Variants in ALPK2 observed in about 807,000 individuals in gnomAD.
ALPK2 encodes alpha-protein kinase 2.
A neutral mutation model predicts 163.1 loss-of-function variants in ALPK2; 127 were observed. The ratio of observed to expected loss-of-function variants is 0.78; its 90% CI spans 0.67 to 0.90. The LOEUF (loss-of-function observed/expected upper bound fraction) is 0.90. Ranked by LOEUF, ALPK2 falls within the 40% of genes least tolerant of loss-of-function variation. The probability of loss-of-function intolerance (pLI) is 0.00; values close to 1 mark genes in which losing one functional copy is unlikely to be tolerated. For missense variants in ALPK2, 2,360 were observed against 2,589.6 expected (o/e 0.91, Z 1.92); for synonymous variants, 953 against 959.1 (o/e 0.99, Z 0.12).
At chr18:58,618,862 G>T (rs2144239532) in intron 1 of ALPK2, among the ~76,000 whole-genome samples, 1 of 151,802 alleles carries the variant, frequency 6.6e-6, no homozygotes, top group African/African-American at 2.4e-5. Context: ...CAAAAAGCTT[G>T]CTGTCAGCTG....
At chr18:58,564,697 A>G (rs963774573) in intron 4 of ALPK2, among the ~76,000 whole-genome samples, 1 of 152,160 alleles carries the variant, frequency 6.6e-6, no homozygotes, top group Non-Finnish European at 1.5e-5. Context: ...GGAAATTAAC[A>G]GATCTTCATG....
Position 58,514,843 on chromosome 18 carries a change from G to T in ALPK2, c.6029+150C>A, listed in dbSNP as rs2051512758. 8.8e-6 allele frequency: 3 copies of T among 341,228 alleles called. No individual in the cohort carries two copies. The East Asian group carries it at 1.5e-4, about 17-fold the overall frequency. 21.1% of individuals were successfully genotyped at this position (341,228 alleles called of 1,614,324 possible). A position where few individuals can be genotyped will look rare whatever the true frequency, so the allele number is the denominator to read the frequency against. On this transcript the variant is annotated intron_variant, in intron 10 of 12. Coordinates refer to ENST00000361673, the MANE Select transcript of ALPK2 (RefSeq NM_052947.4). ...AATATTAAATATCCTACCCAGCAAG[G>T]GGTAGGATAGCAGCCGTGTGAGCCC...
rs770599201 is a variant in ALPK2 at position 58,578,812 on chromosome 18, AC to A, written c.1962+1del. ...GTAATTTCTTTAAAAGAAAAGTCTT[AC>A]CTGAGGAGGATCACTCCAGTCTGGA... On this transcript the variant is annotated splice_donor_variant, in intron 4 of 12. Transcript: ENST00000361673. LOFTEE classifies it high-confidence loss of function. 6.2e-7 allele frequency: 1 copy of A among 1,610,264 alleles called. No homozygotes were observed. Among genetic ancestry groups the A allele is most frequent in the South Asian group, 1.1e-5 (1 of 90,688 alleles).
At chr18:58,593,061 A>T (rs939993488) in intron 3 of ALPK2, among the ~76,000 whole-genome samples, 1 of 152,216 alleles carries the variant, frequency 6.6e-6, no homozygotes, top group Non-Finnish European at 1.5e-5. Flanking sequence ...AGGTAGATAC[A>T]TGTCAGGACA....
chr18:58,566,439 A>G (rs574660111), intron 4 of ALPK2: 15 of 152,234 alleles, frequency 9.9e-5, no homozygotes, highest in Non-Finnish European at 1.8e-4. Context: ...GGTTAGTTCA[A>G]TGCTTTTTCC....
At chr18:58,559,208 G>A (rs1252291832) in intron 4 of ALPK2, among the ~76,000 whole-genome samples, 1 of 152,224 alleles carries the variant, frequency 6.6e-6, no homozygotes, top group African/African-American at 2.4e-5. Context: ...CTGTGGCAGT[G>A]TCTGGAGACA....
At chr18:58,572,237 A>G (rs569763924) in intron 4 of ALPK2, among the ~76,000 whole-genome samples, 62 of 152,344 alleles carry the variant, frequency 4.1e-4, no homozygotes, top group Non-Finnish European at 6.5e-4. Flanking sequence ...AATCAAAAAT[A>G]ATGACAATAC....
intron 3 of ALPK2, among the ~76,000 whole-genome samples, chr18:58,606,380 G>C (rs1306654250): frequency 2.6e-5 from 4 of 152,198 alleles, no homozygotes; most frequent in African/African-American, 9.7e-5. Flanking sequence ...ACCATGCTCA[G>C]CCTGTTACTT....
At chr18:58,502,740 T>C (rs1213352765) in intron 11 of ALPK2, among the ~76,000 whole-genome samples, 2 of 152,236 alleles carry the variant, frequency 1.3e-5, no homozygotes, top group East Asian at 3.8e-4. Flanking sequence ...TGCACCTGGC[T>C]CCACCTCTTA....
chr18:58,542,761 A>G (rs2051696434), intron 4 of ALPK2, among the ~76,000 whole-genome samples: 1 of 152,004 alleles, frequency 6.6e-6, no homozygotes, highest in South Asian at 2.1e-4. Flanking sequence ...AAAGCAATAG[A>G]CCTCCCTTCC....
intron 3 of ALPK2, among the ~76,000 whole-genome samples, chr18:58,596,395 C>T (rs768241831): frequency 1.2e-4 from 18 of 152,210 alleles, no homozygotes; most frequent in Admixed American, 2.6e-4. Flanking sequence ...GGCAGACGGG[C>T]AAGCAGGGCA....
chr18:58,617,369 TA>T (rs1010519004), intron 1 of ALPK2, among the ~76,000 whole-genome samples: 10 of 152,114 alleles, frequency 6.6e-5, no homozygotes, highest in African/African-American at 2.2e-4. Context: ...GTATTTTTAG[TA>T]GAGACGGGGT....
intron 12 of ALPK2, among the ~76,000 whole-genome samples, chr18:58,493,136 A>T (rs1400240016): frequency 6.6e-6 from 1 of 152,078 alleles, no homozygotes; most frequent in Non-Finnish European, 1.5e-5. Context: ...GACAGGAGCT[A>T]TCTGGGGCAT....
intron 4 of ALPK2, among the ~76,000 whole-genome samples, chr18:58,541,219 C>A (rs1183468244): frequency 2.0e-5 from 3 of 152,242 alleles, no homozygotes; most frequent in Non-Finnish European, 2.9e-5. Flanking sequence ...CCTCAGGGAA[C>A]TTTACTCATG....
intron 12 of ALPK2, among the ~76,000 whole-genome samples, chr18:58,493,921 C>T (rs1352636476): frequency 6.6e-6 from 1 of 152,122 alleles, no homozygotes; most frequent in Non-Finnish European, 1.5e-5. Flanking sequence ...TTCAATCTGG[C>T]AACAGGAAAT....
intron 4 of ALPK2, among the ~76,000 whole-genome samples, chr18:58,575,134 A>AC (rs577066717): frequency 0.011 from 1,646 of 151,634 alleles, 35 homozygotes; most frequent in African/African-American, 0.038. Flanking sequence ...AATCACTTGA[A>AC]CCTGGGGGGC....
At chr18:58,543,762 A>T (rs1165566809) in intron 4 of ALPK2, among the ~76,000 whole-genome samples, 4 of 152,232 alleles carry the variant, frequency 2.6e-5, no homozygotes, top group African/African-American at 9.6e-5. Context: ...AAACCGACAC[A>T]TGAGGTCAAT....
chr18:58,498,907 T>G (rs1602187105), intron 11 of ALPK2, among the ~76,000 whole-genome samples: 1 of 152,226 alleles, frequency 6.6e-6, no homozygotes, highest in Non-Finnish European at 1.5e-5. Flanking sequence ...TTATCGGCAG[T>G]GTGAAAATGG....
At chr18:58,492,490 C>T (rs1052174983) in intron 12 of ALPK2, among the ~76,000 whole-genome samples, 2 of 152,164 alleles carry the variant, frequency 1.3e-5, no homozygotes, top group African/African-American at 4.8e-5. Flanking sequence ...CTTGTCTATT[C>T]TGGTCTTCAC....
Sources: allele counts gnomAD v4.1 joint callset (sites outside exome capture counted in the v4.1 genomes callset), GRCh38; gene constraint gnomAD v4.1.1; transcripts MANE v1.5; gene names NCBI Gene and HGNC (gene_info 2026-07-23, HGNC 2026-07-21).